Variants in MATN2 observed in about 807,000 individuals in gnomAD.
The protein encoded by MATN2 is matrilin-2.
In MATN2, 69 loss-of-function variants were observed where a neutral mutation model predicts 103.2. The observed-to-expected ratio is 0.67, with a 90% CI of 0.55 to 0.82. The LOEUF (loss-of-function observed/expected upper bound fraction) is 0.82, where lower values mean the gene tolerates loss of function less well. Among genes scored for constraint, MATN2 ranks in the 40% least tolerant of loss-of-function variants. MATN2 has a pLI of 0.00. For missense variants in MATN2, 1,023 were observed against 1,211.5 expected (o/e 0.84, Z 2.31); for synonymous variants, 429 against 450.2 (o/e 0.95, Z 0.60).
At chr8:97,919,072 G>T (rs1031931347) in intron 2 of MATN2, among the ~76,000 whole-genome samples, 1 of 152,138 alleles carries the variant, frequency 6.6e-6, no homozygotes, top group East Asian at 1.9e-4. Flanking sequence ...CTCCTGGTTT[G>T]GGGGAAGAAG....
At chr8:97,952,190 C>T (rs1810975764) in intron 4 of MATN2, 1 of 152,204 alleles carries the variant, frequency 6.6e-6, no homozygotes, top group Non-Finnish European at 1.5e-5. Flanking sequence ...ATCGTTTACC[C>T]AGTTGAGTGA....
chr8:98,012,262 G>T (rs1426179264), intron 10 of MATN2, among the ~76,000 whole-genome samples: 1 of 152,164 alleles, frequency 6.6e-6, no homozygotes, highest in Non-Finnish European at 1.5e-5. Context: ...TTTGTGCCCT[G>T]ACAGTGTTTA....
chr8:97,947,996 T>C (rs1004261294), intron 4 of MATN2, among the ~76,000 whole-genome samples: 4 of 152,238 alleles, frequency 2.6e-5, no homozygotes, highest in South Asian at 2.1e-4. Flanking sequence ...TTTGAGTATA[T>C]ACTGTTAATT....
At chr8:98,030,809 C>T (rs1054590387) in intron 15 of MATN2, among the ~76,000 whole-genome samples, 195 bp downstream of exon 15, 12 of 151,838 alleles carry the variant, frequency 7.9e-5, no homozygotes, top group Non-Finnish European at 1.6e-4. Context: ...ATTACAGGCA[C>T]CCACCACCAC....
At chr8:97,968,273 C>G (rs979247162) in intron 5 of MATN2, among the ~76,000 whole-genome samples, 1 of 152,190 alleles carries the variant, frequency 6.6e-6, no homozygotes, top group African/African-American at 2.4e-5. Flanking sequence ...CTCTGAAATG[C>G]CTTTGAGGCC....
At position 97,926,118 on chromosome 8, in the gene MATN2, T is replaced by A. The variant is rs1809980229; in HGVS notation, c.143-4835T>A. On this transcript the variant is annotated intron_variant, in intron 2 of 18. Transcript: ENST00000254898. ...TTTGCCCAATACATGGACTTTGGAG[T>A]CAAGCTGACAGTACTGGAAGAGCTG... Among the ~76,000 whole-genome samples, 7 of 152,068 alleles carry A rather than the reference T, an allele frequency of 4.6e-5. 1 individual carries two copies. In the South Asian group the frequency reaches 1.5e-3, roughly 32 times the overall value.
intron 3 of MATN2, among the ~76,000 whole-genome samples, chr8:97,941,035 G>A (rs533150507): frequency 7.3e-4 from 111 of 151,824 alleles, no homozygotes; most frequent in Non-Finnish European, 1.2e-3. Context: ...GGTGGCACAC[G>A]CCCATAGTCC....
At chr8:97,872,643 G>A (rs1474645630) in intron 1 of MATN2, among the ~76,000 whole-genome samples, 1 of 152,094 alleles carries the variant, frequency 6.6e-6, no homozygotes, top group Non-Finnish European at 1.5e-5. Flanking sequence ...TTGGCTCTTG[G>A]TTCCTTCTTC....
chr8:98,023,168 G>A (rs941579129), intron 13 of MATN2, among the ~76,000 whole-genome samples: 8 of 152,158 alleles, frequency 5.3e-5, no homozygotes, highest in African/African-American at 1.9e-4. Flanking sequence ...CCAGCTACTT[G>A]AGAGGCTGAG....
intron 12 of MATN2, among the ~76,000 whole-genome samples, chr8:98,018,414 A>T (rs1051376870): frequency 6.6e-6 from 1 of 152,190 alleles, no homozygotes; most frequent in Admixed American, 6.5e-5. Flanking sequence ...TAGTCACTGG[A>T]CTGAATTAGA....
At chr8:97,949,786 G>A (rs1810883492) in intron 4 of MATN2, among the ~76,000 whole-genome samples, 1 of 152,176 alleles carries the variant, frequency 6.6e-6, no homozygotes, top group African/African-American at 2.4e-5. Flanking sequence ...GTGATACACT[G>A]CAATACACGC....
chr8:97,953,722 G>A (rs963816787), intron 4 of MATN2, among the ~76,000 whole-genome samples: 5 of 151,782 alleles, frequency 3.3e-5, no homozygotes, highest in Non-Finnish European at 7.4e-5. Flanking sequence ...CCTAGGAGGC[G>A]GAGAATGCGG....
rs764800787 is a variant in MATN2, at chr8:98,017,979, C to G, written c.1697-15C>G. 6.1e-5 allele frequency: 98 copies of G among 1,612,486 alleles called. No homozygotes were observed. Among genetic ancestry groups the G allele is most frequent in the Non-Finnish European group, 7.6e-5 (90 of 1,179,224 alleles). On this transcript the variant is annotated splice_polypyrimidine_tract_variant and intron_variant, in intron 11 of 18. Coordinates refer to ENST00000254898, the MANE Select transcript of MATN2 (RefSeq NM_002380.5). ...ATGTTGTTGAAATTGTTGTAACTTG[C>G]TCTCCTGTCTTCAGGGAAAGATGTC...
At chr8:98,002,628 C>T (rs1407292443) in intron 7 of MATN2, among the ~76,000 whole-genome samples, 1 of 152,204 alleles carries the variant, frequency 6.6e-6, no homozygotes, top group African/African-American at 2.4e-5. Context: ...TCTTTGGCCA[C>T]TGACTCAGTT....
At chr8:97,928,218 CTTTTTTTTTTTTT>C (rs34226792) in intron 2 of MATN2, among the ~76,000 whole-genome samples, 1,405 of 89,316 alleles carry the variant, frequency 0.016, 37 homozygotes, top group African/African-American at 0.056. Flanking sequence ...GCACTCCTGC[CTTTTTTTTTTTTT>C]TTTTTTTTTT....
At chr8:98,035,547 A>C (rs547916896) in intron 18 of MATN2, 110 bp from the exon 19 acceptor site, 25 of 629,096 alleles carry the variant, frequency 4.0e-5, no homozygotes, top group South Asian at 9.2e-5. Flanking sequence ...GGGAAAAAAA[A>C]CCAAAACCTT....
At chr8:97,870,518 C>T (rs1205255540) in intron 1 of MATN2, among the ~76,000 whole-genome samples, 1 of 130,812 alleles carries the variant, frequency 7.6e-6, no homozygotes, top group Non-Finnish European at 1.8e-5. Flanking sequence ...AACTCCGTCT[C>T]AAAAGAAAAA....
At chr8:98,034,811 A>G (rs1814176384) in intron 18 of MATN2, among the ~76,000 whole-genome samples, 1 of 151,660 alleles carries the variant, frequency 6.6e-6, no homozygotes, top group South Asian at 2.1e-4. Context: ...GAATTCTTTC[A>G]TTGTCTTCTC....
At chr8:97,964,271 G>GT (rs1432533261) in intron 5 of MATN2, among the ~76,000 whole-genome samples, 1 of 152,146 alleles carries the variant, frequency 6.6e-6, no homozygotes, top group East Asian at 1.9e-4. Flanking sequence ...GAGACTCCAG[G>GT]TACCAGACTT....
Sources: gnomAD v4.1 joint callset for allele counts (sites outside exome capture counted in the v4.1 genomes callset) on GRCh38, gnomAD v4.1.1 for gene constraint, MANE v1.5 for transcripts, NCBI Gene and HGNC (gene_info 2026-07-23, HGNC 2026-07-21) for gene names.